PRKCE: variants seen among roughly 807,000 people sequenced by gnomAD.
PRKCE encodes the protein protein kinase C epsilon type.
PRKCE carries 16 observed loss-of-function variants against 85.4 expected under a neutral mutation model. The ratio of observed to expected loss-of-function variants is 0.19; its 90% confidence interval spans 0.13 to 0.28. PRKCE has a LOEUF of 0.28. Ranked by LOEUF, PRKCE falls within the 10% of genes least tolerant of loss-of-function variation. The pLI is 1.00. For missense variants in PRKCE, 573 were observed against 975.2 expected (o/e 0.59, Z 5.49); for synonymous variants, 388 against 371.5 (o/e 1.04, Z -0.51).
At chr2:45,958,524 A>AT (rs1436975972) in intron 2 of PRKCE, among the ~76,000 whole-genome samples, 2 of 142,244 alleles carry the variant, frequency 1.4e-5, no homozygotes, top group East Asian at 6.5e-4. Flanking sequence ...AAAAAAAAAA[A>AT]GAAAGAAAAT....
At chr2:45,824,544 G>T (rs996692993) in intron 1 of PRKCE, among the ~76,000 whole-genome samples, 4 of 152,164 alleles carry the variant, frequency 2.6e-5, no homozygotes, top group African/African-American at 4.8e-5. Context: ...TAACAGTCCG[G>T]TTGGGCTACT....
intron 2 of PRKCE, among the ~76,000 whole-genome samples, chr2:45,955,078 CACTCCATCAAGT>C (rs61572936): frequency 5.9e-4 from 29 of 49,436 alleles, no homozygotes; most frequent in Admixed American, 1.6e-3. Context: ...CTCCATCACG[CACTCCATCAAGT>C]ACTCCATCAA....
At chr2:45,750,949 C>T (rs1683510984) in intron 1 of PRKCE, among the ~76,000 whole-genome samples, 1 of 152,176 alleles carries the variant, frequency 6.6e-6, no homozygotes, top group Admixed American at 6.5e-5. Flanking sequence ...ACGCACTCTT[C>T]ATCTCAAGAC....
intron 1 of PRKCE, among the ~76,000 whole-genome samples, chr2:45,702,857 G>A (rs1028001987): frequency 1.3e-5 from 2 of 152,192 alleles, no homozygotes; most frequent in Non-Finnish European, 1.5e-5. Context: ...TACTCTGGGA[G>A]TAGAAGGGCT....
At chr2:46,140,724 G>A (rs1035507218) in intron 11 of PRKCE, among the ~76,000 whole-genome samples, 1 of 152,018 alleles carries the variant, frequency 6.6e-6, no homozygotes, top group Admixed American at 6.5e-5. Context: ...CATAAGCAAT[G>A]CCAAAAGTCA....
At chr2:45,844,867 AT>A (rs1292110799) in intron 2 of PRKCE, among the ~76,000 whole-genome samples, 1 of 151,964 alleles carries the variant, frequency 6.6e-6, no homozygotes, top group Non-Finnish European at 1.5e-5. Flanking sequence ...GAAGCAATTG[AT>A]TTTTTTCTGC....
intron 1 of PRKCE, among the ~76,000 whole-genome samples, chr2:45,682,115 A>G (rs111695316): frequency 7.2e-5 from 11 of 152,188 alleles, no homozygotes; most frequent in African/African-American, 2.4e-4. Flanking sequence ...AACTTATTAA[A>G]TTTTTTACAA....
intron 2 of PRKCE, among the ~76,000 whole-genome samples, chr2:45,857,064 A>G (rs1210462875): frequency 6.6e-6 from 1 of 152,194 alleles, no homozygotes; most frequent in Non-Finnish European, 1.5e-5. Context: ...TTGGATATAT[A>G]CCCAGTAGTG....
At chr2:46,049,715 C>A (rs1488873997) in intron 10 of PRKCE, among the ~76,000 whole-genome samples, 9 of 152,214 alleles carry the variant, frequency 5.9e-5, no homozygotes, top group Non-Finnish European at 8.8e-5. Flanking sequence ...TCTCGTAAAT[C>A]CCACCTCTTC....
intron 14 of PRKCE, among the ~76,000 whole-genome samples, chr2:46,181,644 G>C (rs924411701): frequency 1.3e-5 from 2 of 152,196 alleles, no homozygotes; most frequent in African/African-American, 2.4e-5. Context: ...ACTATGCTCA[G>C]TTGACCTCAA....
chr2:46,075,713 C>T (rs368649204), intron 10 of PRKCE, among the ~76,000 whole-genome samples: 1 of 152,288 alleles, frequency 6.6e-6, no homozygotes, highest in African/African-American at 2.4e-5. Context: ...CAAGCCACTG[C>T]ACTCCAGCCT....
At chr2:46,183,878 G>A (rs1054792260) in intron 14 of PRKCE, among the ~76,000 whole-genome samples, 2 of 152,216 alleles carry the variant, frequency 1.3e-5, no homozygotes, top group African/African-American at 4.8e-5. Context: ...TAAAGGCAGA[G>A]AGCATTACTT....
chr2:45,948,630 C>A (rs1388207669), intron 2 of PRKCE, among the ~76,000 whole-genome samples: 2 of 152,046 alleles, frequency 1.3e-5, no homozygotes, highest in Non-Finnish European at 2.9e-5. Flanking sequence ...CAGAGTGAGA[C>A]CTTGTCTCTT....
intron 11 of PRKCE, among the ~76,000 whole-genome samples, chr2:46,097,918 G>A (rs1205722638): frequency 6.6e-6 from 1 of 152,196 alleles, no homozygotes; most frequent in African/African-American, 2.4e-5. Context: ...GGAGGAGAGA[G>A]GAGAGCCTGA....
intron 1 of PRKCE, among the ~76,000 whole-genome samples, chr2:45,801,290 T>C (rs769797597): frequency 9.9e-5 from 15 of 152,138 alleles, no homozygotes; most frequent in Non-Finnish European, 1.9e-4. Context: ...CATTTGGTAT[T>C]TTTAGTGCCT....
chr2:45,970,943 A>G (rs1315744873), intron 2 of PRKCE, among the ~76,000 whole-genome samples: 1 of 151,034 alleles, frequency 6.6e-6, no homozygotes, highest in African/African-American at 2.4e-5. Context: ...ACATACATTT[A>G]TGTATCTGTT....
intron 11 of PRKCE, 44 bp downstream of exon 11, chr2:46,086,406 A>C: frequency 6.3e-7 from 1 of 1,583,790 alleles, no homozygotes; most frequent in Non-Finnish European, 8.6e-7. Context: ...GAAGAAAATA[A>C]AGGATGCTTC....
rs116752178 is a variant in PRKCE, at chr2:45,668,306, C to T, written c.348+15858C>T. 1.1e-3 allele frequency among the ~76,000 whole-genome samples: 164 copies of T among 152,326 alleles called. 1 individual carries two copies. Among genetic ancestry groups the T allele is most frequent in the African/African-American group, 3.9e-3 (162 of 41,568 alleles). ...CAGTGACTGAGATGGCGCCAATGCA[C>T]TCCAGCCTGGGTGAGAAAAGTGCTT... On this transcript the variant is annotated intron_variant, in intron 1 of 14. Transcript: ENST00000306156.
intron 10 of PRKCE, among the ~76,000 whole-genome samples, chr2:46,063,851 C>A (rs1667373384): frequency 1.3e-5 from 2 of 152,136 alleles, no homozygotes; most frequent in Admixed American, 1.3e-4. Flanking sequence ...TATTCAATAA[C>A]CTGAGAGAAG....
Sources: allele counts gnomAD v4.1 joint callset (sites outside exome capture counted in the v4.1 genomes callset), GRCh38; gene constraint gnomAD v4.1.1; transcripts MANE v1.5; gene names NCBI Gene and HGNC (gene_info 2026-07-23, HGNC 2026-07-21).